Variants in SWT1 observed in about 807,000 individuals in gnomAD.
SWT1 encodes transcriptional protein SWT1.
SWT1 carries 33 observed loss-of-function variants against 107.3 expected under a neutral mutation model. The ratio of observed to expected loss-of-function variants is 0.31; its 90% CI spans 0.23 to 0.41. The LOEUF is 0.41. SWT1 is among the 10% of genes least tolerant of loss of function. The pLI is 1.00. For synonymous variants in SWT1, 345 were observed against 348.3 expected, an observed-to-expected ratio of 0.99 and a Z score of 0.11; for missense variants, 898 against 1,028.9, an observed-to-expected ratio of 0.87 and a Z score of 1.74.
At chr1:185,288,765 T>A (rs1322302156) in intron 18 of SWT1, among the ~76,000 whole-genome samples, 3 of 152,002 alleles carry the variant, frequency 2.0e-5, no homozygotes, top group South Asian at 2.1e-4. Flanking sequence ...ATTAAAAGAG[T>A]TATTTACGGG....
chr1:185,266,448 A>G (rs2102712244), intron 16 of SWT1: 1 of 152,320 alleles, frequency 6.6e-6, no homozygotes, highest in African/African-American at 2.4e-5. Context: ...AATAGGAGAT[A>G]AGTTTTATTT....
chr1:185,165,734 C>T (rs1168985637), intron 2 of SWT1, among the ~76,000 whole-genome samples: 1 of 152,266 alleles, frequency 6.6e-6, no homozygotes, highest in Non-Finnish European at 1.5e-5. Flanking sequence ...CCCCCTGACA[C>T]TCTCCTGACA....
At chr1:185,160,568 G>T (rs1156862886) in intron 1 of SWT1, among the ~76,000 whole-genome samples, 1 of 152,066 alleles carries the variant, frequency 6.6e-6, no homozygotes, top group Non-Finnish European at 1.5e-5. Flanking sequence ...CGGGCATGGT[G>T]GCACATGCCT....
chr1:185,249,942 TTCTC>T (rs1194302134), intron 16 of SWT1, among the ~76,000 whole-genome samples: 1 of 152,186 alleles, frequency 6.6e-6, no homozygotes, highest in Non-Finnish European at 1.5e-5. Context: ...TTTGTATTAC[TTCTC>T]TCTTTTATTC....
intron 13 of SWT1, 71 bp from the exon 14 acceptor site, chr1:185,214,436 G>A (rs1659061247): frequency 1.3e-5 from 16 of 1,186,930 alleles, no homozygotes; most frequent in Non-Finnish European, 1.8e-5. Flanking sequence ...ATTAATATTA[G>A]TGTTCCAAAG....
intron 16 of SWT1, chr1:185,266,400 C>A (rs888734332): frequency 2.6e-5 from 4 of 152,210 alleles, no homozygotes; most frequent in African/African-American, 9.7e-5. Flanking sequence ...TTTTAGATTT[C>A]TTTCCTTGTT....
At chr1:185,282,107 A>T (rs939724581) in intron 18 of SWT1, among the ~76,000 whole-genome samples, 1 of 152,316 alleles carries the variant, frequency 6.6e-6, no homozygotes, top group South Asian at 2.1e-4. Flanking sequence ...TTTGGTACTC[A>T]TTCTTTACCT....
chr1:185,288,583 G>A (rs953307225), intron 18 of SWT1, among the ~76,000 whole-genome samples: 1 of 152,158 alleles, frequency 6.6e-6, no homozygotes, highest in Non-Finnish European at 1.5e-5. Flanking sequence ...GAGGTAGCTA[G>A]TGGTTCTCTC....
At chr1:185,195,518 A>T (rs1558031067) in intron 10 of SWT1, among the ~76,000 whole-genome samples, 2 of 152,188 alleles carry the variant, frequency 1.3e-5, no homozygotes, top group African/African-American at 2.4e-5. Context: ...GTACCCAGTA[A>T]TGGGATTGCT....
intron 1 of SWT1, 127 bp from the exon 2 acceptor site, chr1:185,160,706 A>T (rs1051943264): frequency 4.9e-5 from 34 of 688,210 alleles, no homozygotes; most frequent in South Asian, 8.4e-5. Flanking sequence ...CATCTCAAAA[A>T]AAAATAAAAT....
At chr1:185,206,041 C>T (rs1377610037) in intron 12 of SWT1, among the ~76,000 whole-genome samples, 1 of 151,928 alleles carries the variant, frequency 6.6e-6, no homozygotes, top group Non-Finnish European at 1.5e-5. Flanking sequence ...TCACTGCAAC[C>T]TCCTCCTTCC....
At chr1:185,268,172 ATTG>A (rs1201550289) in intron 16 of SWT1, among the ~76,000 whole-genome samples, 1 of 152,222 alleles carries the variant, frequency 6.6e-6, no homozygotes, top group African/African-American at 2.4e-5. Context: ...TATAACATAT[ATTG>A]TTGTTTTAAA....
intron 14 of SWT1, among the ~76,000 whole-genome samples, chr1:185,218,456 T>A (rs1659390812): frequency 6.6e-6 from 1 of 152,146 alleles, no homozygotes; most frequent in Non-Finnish European, 1.5e-5. Flanking sequence ...ACCACAGGCA[T>A]GTGCCACAAT....
At chr1:185,262,699 G>T (rs1427622307) in intron 16 of SWT1, among the ~76,000 whole-genome samples, 1 of 152,070 alleles carries the variant, frequency 6.6e-6, no homozygotes, top group Non-Finnish European at 1.5e-5. Context: ...TCCCTCCTTA[G>T]CTTGTGCTTG....
At chr1:185,244,512 A>G (rs1327442797) in intron 16 of SWT1, among the ~76,000 whole-genome samples, 1 of 152,196 alleles carries the variant, frequency 6.6e-6, no homozygotes, top group African/African-American at 2.4e-5. Context: ...ATACTTGTAT[A>G]GAACACTTAC....
chr1:185,189,128 A>G (rs976124112), intron 9 of SWT1, among the ~76,000 whole-genome samples: 3 of 152,000 alleles, frequency 2.0e-5, no homozygotes, highest in Non-Finnish European at 4.4e-5. Flanking sequence ...ATATGACTAC[A>G]GGAGTGTGCC....
intron 15 of SWT1, among the ~76,000 whole-genome samples, chr1:185,230,754 T>TG (rs1558059104): frequency 2.0e-5 from 3 of 149,682 alleles, no homozygotes; most frequent in African/African-American, 7.5e-5. Context: ...GTGTGTGTGT[T>TG]TGTTTTGTTT....
chr1:185,187,072 T>TA (rs11406508), intron 9 of SWT1, among the ~76,000 whole-genome samples: 1 of 142,154 alleles, frequency 7.0e-6, no homozygotes, highest in South Asian at 2.3e-4. Context: ...TTTTTTTTTT[T>TA]AAAAGAGTCT....
chr1:185,166,042 A>AT (rs1488322936), intron 2 of SWT1, among the ~76,000 whole-genome samples: 8 of 151,304 alleles, frequency 5.3e-5, no homozygotes, highest in South Asian at 2.1e-4. Flanking sequence ...TCTCTGCTTT[A>AT]TTTTTTTCCA....
Sources: allele counts gnomAD v4.1 joint callset (sites outside exome capture counted in the v4.1 genomes callset), GRCh38; gene constraint gnomAD v4.1.1; transcripts MANE v1.5; gene names NCBI Gene and HGNC (gene_info 2026-07-23, HGNC 2026-07-21).